Variants in ZMAT4 observed in about 807,000 individuals in gnomAD.
ZMAT4 encodes the protein zinc finger matrin-type protein 4.
A neutral mutation model predicts 28.7 loss-of-function variants in ZMAT4; 17 were observed. That is an observed-to-expected ratio of 0.59 (90% CI 0.41 to 0.89). ZMAT4 has a LOEUF of 0.89. Ranked by LOEUF, ZMAT4 falls within the 40% of genes least tolerant of loss-of-function variation. The pLI, the probability that ZMAT4 is intolerant of heterozygous loss-of-function variation, is 0.00. For synonymous variants in ZMAT4, 117 were observed against 109.2 expected, an observed-to-expected ratio of 1.07 and a Z score of -0.44; for missense variants, 240 against 283.8, an observed-to-expected ratio of 0.85 and a Z score of 1.11.
chr8:40,751,265 C>T (rs1812441177), intron 3 of ZMAT4, among the ~76,000 whole-genome samples: 2 of 152,258 alleles, frequency 1.3e-5, no homozygotes, highest in South Asian at 2.1e-4. Context: ...TTAACTGGCT[C>T]ACGGTTCTAC....
chr8:40,775,932 G>A (rs966584000), intron 2 of ZMAT4, among the ~76,000 whole-genome samples: 3 of 152,184 alleles, frequency 2.0e-5, no homozygotes, highest in Non-Finnish European at 4.4e-5. Flanking sequence ...CATGTGCACA[G>A]AGAAAAGGCC....
chr8:40,878,262 C>T (rs555655892), intron 1 of ZMAT4, among the ~76,000 whole-genome samples: 1 of 152,276 alleles, frequency 6.6e-6, no homozygotes, highest in African/African-American at 2.4e-5. Context: ...CAAAACCTGT[C>T]CCCCCAGTCC....
intron 5 of ZMAT4, among the ~76,000 whole-genome samples, chr8:40,601,489 G>A (rs1585740436): frequency 1.0e-5 from 1 of 96,184 alleles, no homozygotes; most frequent in Non-Finnish European, 2.0e-5. Flanking sequence ...AAGAAAGAAA[G>A]AAAGAGAGAA....
chr8:40,794,236 T>A (rs1814487222), intron 2 of ZMAT4, among the ~76,000 whole-genome samples: 1 of 152,144 alleles, frequency 6.6e-6, no homozygotes, highest in African/African-American at 2.4e-5. Flanking sequence ...TAGGAAGAAC[T>A]GACTTCATGC....
intron 5 of ZMAT4, among the ~76,000 whole-genome samples, chr8:40,644,298 C>G (rs1807198397): frequency 6.6e-6 from 1 of 152,108 alleles, no homozygotes; most frequent in Non-Finnish European, 1.5e-5. Flanking sequence ...AGGACTGGAA[C>G]TCCTTTCAGA....
chr8:40,543,725 G>A (rs867062296), intron 6 of ZMAT4, among the ~76,000 whole-genome samples: 3 of 152,148 alleles, frequency 2.0e-5, no homozygotes, highest in Non-Finnish European at 4.4e-5. Flanking sequence ...TAAAGTAGTC[G>A]TAAAGCTATT....
chr8:40,847,545 G>C (rs1816952475), intron 1 of ZMAT4, among the ~76,000 whole-genome samples: 1 of 152,192 alleles, frequency 6.6e-6, no homozygotes, highest in Non-Finnish European at 1.5e-5. Flanking sequence ...GACGTGGGAA[G>C]GCAATGGGCG....
intron 1 of ZMAT4, among the ~76,000 whole-genome samples, chr8:40,833,743 G>A (rs1586137539): frequency 6.6e-6 from 1 of 152,252 alleles, no homozygotes; most frequent in Non-Finnish European, 1.5e-5. Flanking sequence ...TGCAGCATCT[G>A]AGAGCAGGGT....
intron 3 of ZMAT4, among the ~76,000 whole-genome samples, chr8:40,732,545 A>G (rs1811584817): frequency 6.6e-6 from 1 of 152,236 alleles, no homozygotes; most frequent in South Asian, 2.1e-4. Flanking sequence ...CCCTGGTAGG[A>G]ACAGGCACCT....
In ZMAT4 at chr8:40,881,501, G is replaced by A. The variant is rs1586215846; in HGVS notation, c.-5+16182C>T. On this transcript the variant is annotated intron_variant, in intron 1 of 6. Coordinates refer to ENST00000297737, the MANE Select transcript of ZMAT4 (RefSeq NM_024645.3). Reference sequence around the variant, plus strand: ...AAAGAAAGAAAGAAAGAAAGAAAGAGGAAGGAAGGAAGGGGAGAGAGAGAG... The same window carrying A: ...AAAGAAAGAAAGAAAGAAAGAAAGAAGAAGGAAGGAAGGGGAGAGAGAGAG... Among the ~76,000 whole-genome samples, 9 of 95,444 alleles carry A rather than the reference G, an allele frequency of 9.4e-5. No homozygotes were observed. In the South Asian group the frequency reaches 2.3e-3, roughly 25 times the overall value. 62.6% of individuals were successfully genotyped at this position (95,444 alleles called of 152,430 possible).
At chr8:40,894,517 A>G (rs765845892) in intron 1 of ZMAT4, among the ~76,000 whole-genome samples, 1 of 152,178 alleles carries the variant, frequency 6.6e-6, no homozygotes, top group African/African-American at 2.4e-5. Context: ...GGGCACGAGC[A>G]TGGGAAGGAG....
At chr8:40,599,497 A>G (rs1351591742) in intron 5 of ZMAT4, among the ~76,000 whole-genome samples, 1 of 152,206 alleles carries the variant, frequency 6.6e-6, no homozygotes, top group Non-Finnish European at 1.5e-5. Flanking sequence ...AAACTTGACC[A>G]AAGAAGGGTT....
At chr8:40,828,541 T>C (rs2150615341) in intron 1 of ZMAT4, among the ~76,000 whole-genome samples, 1 of 152,162 alleles carries the variant, frequency 6.6e-6, no homozygotes, top group Non-Finnish European at 1.5e-5. Context: ...AAAGGCAGAA[T>C]ATAAAATGTG....
At chr8:40,545,389 G>T (rs549526170) in intron 6 of ZMAT4, among the ~76,000 whole-genome samples, 1 of 152,226 alleles carries the variant, frequency 6.6e-6, no homozygotes, top group South Asian at 2.1e-4. Context: ...AGCAACAATT[G>T]ATAACTAATA....
chr8:40,797,548 G>T (rs1006478709), intron 2 of ZMAT4, among the ~76,000 whole-genome samples: 1 of 152,186 alleles, frequency 6.6e-6, no homozygotes, highest in East Asian at 1.9e-4. Flanking sequence ...AAGGACGGTG[G>T]TATTTGGAGA....
chr8:40,820,410 AAGTGTGTGTAT>A (rs1445696055), intron 2 of ZMAT4, among the ~76,000 whole-genome samples: 2 of 107,840 alleles, frequency 1.9e-5, no homozygotes, highest in East Asian at 6.4e-4. Context: ...ATGTGTGTGA[AAGTGTGTGTAT>A]AGTGTGTGCT....
chr8:40,872,126 C>A (rs1817879229), intron 1 of ZMAT4, among the ~76,000 whole-genome samples: 2 of 152,304 alleles, frequency 1.3e-5, no homozygotes, highest in South Asian at 4.1e-4. Flanking sequence ...TGAGGTTGCA[C>A]TGACTGAGGA....
intron 1 of ZMAT4, among the ~76,000 whole-genome samples, chr8:40,846,092 A>G (rs1007962053): frequency 6.6e-6 from 1 of 152,184 alleles, no homozygotes; most frequent in South Asian, 2.1e-4. Flanking sequence ...CTTTCACTAA[A>G]CAGTCTGCAA....
chr8:40,579,466 A>G (rs889315618), intron 6 of ZMAT4, among the ~76,000 whole-genome samples: 1 of 152,202 alleles, frequency 6.6e-6, no homozygotes, highest in African/African-American at 2.4e-5. Context: ...ATAACAAATC[A>G]AGGAAAATCT....
Sources: allele counts gnomAD v4.1 joint callset (sites outside exome capture counted in the v4.1 genomes callset), GRCh38; gene constraint gnomAD v4.1.1; transcripts MANE v1.5; gene names NCBI Gene and HGNC (gene_info 2026-07-23, HGNC 2026-07-21).